LIPC: variants seen among roughly 807,000 people sequenced by gnomAD.
LIPC encodes the protein lipase C, hepatic type, also known as hepatic triacylglycerol lipase.
Under a neutral mutation model 50.7 loss-of-function variants are expected in LIPC, and 44 were observed. That is an observed-to-expected ratio of 0.87 (90% CI 0.68 to 1.11). The LOEUF (loss-of-function observed/expected upper bound fraction) is 1.11, where lower values mean the gene tolerates loss of function less well. Among genes scored for constraint, LIPC ranks in the 50% most tolerant of loss-of-function variants. The probability of loss-of-function intolerance (pLI) is 0.00; values close to 1 mark genes in which losing one functional copy is unlikely to be tolerated. For synonymous variants in LIPC, 271 were observed against 256.4 expected (o/e 1.06, Z -0.54); for missense variants, 697 against 648.2 (o/e 1.08, Z -0.82).
chr15:58,537,720 AG>A (rs1262285372), intron 1 of LIPC, among the ~76,000 whole-genome samples: 1 of 152,130 alleles, frequency 6.6e-6, no homozygotes, highest in Non-Finnish European at 1.5e-5. Flanking sequence ...TTCCCTGAAA[AG>A]CCCTCCCTGA....
chr15:58,439,282 C>T (rs766468532), intron 1 of LIPC, among the ~76,000 whole-genome samples: 19 of 152,092 alleles, frequency 1.2e-4, no homozygotes, highest in Non-Finnish European at 2.4e-4. Flanking sequence ...TGTCTCTTCC[C>T]CTCTTTATGT....
chr15:58,542,609 G>T lies in LIPC; in HGVS notation c.532G>T (p.Gly178Cys). The T allele has an allele frequency of 1.2e-6, 2 of 1,613,714 alleles. No individual in the cohort carries two copies. Among genetic ancestry groups the T allele is most frequent in the East Asian group, 2.2e-5 (1 of 44,866 alleles). Reference sequence around the variant, plus strand: ...GGGTGCACACGTGTCAGGATTTGCCGGCAGTTCCATCGGTGGAACGCACAA... The same window carrying T: ...GGGTGCACACGTGTCAGGATTTGCCTGCAGTTCCATCGGTGGAACGCACAA... ...SLGAHVSGFA[G>C]SSIGGTHKIG... The change falls in exon 4 of 9, where the codon GGC (glycine) becomes TGC (cysteine). Residue 178 changes from glycine to cysteine, a missense_variant. By Grantham distance (159) the Gly-to-Cys change is radical. Coordinates refer to ENST00000299022, the MANE Select transcript of LIPC (RefSeq NM_000236.3).
chr15:58,447,397 C>T (rs1893735807), intron 1 of LIPC, among the ~76,000 whole-genome samples: 2 of 152,236 alleles, frequency 1.3e-5, no homozygotes, highest in South Asian at 4.2e-4. Flanking sequence ...GACCACAAGT[C>T]TTCTCTGGAA....
At chr15:58,448,766 A>C (rs1893793111) in intron 1 of LIPC, among the ~76,000 whole-genome samples, 1 of 152,258 alleles carries the variant, frequency 6.6e-6, no homozygotes, top group African/African-American at 2.4e-5. Context: ...CTGGCCCAAC[A>C]TCACACAGCT....
intron 1 of LIPC, among the ~76,000 whole-genome samples, chr15:58,497,270 A>C (rs1489224329): frequency 6.6e-6 from 1 of 152,200 alleles, no homozygotes; most frequent in African/African-American, 2.4e-5. Context: ...GCAAGCTGGC[A>C]GGTGATGCAC....
At chr15:58,459,692 G>C (rs1170012238) in intron 1 of LIPC, among the ~76,000 whole-genome samples, 1 of 152,198 alleles carries the variant, frequency 6.6e-6, no homozygotes, top group African/African-American at 2.4e-5. Flanking sequence ...AATCAGCCTC[G>C]TGCTCTGCAC....
At chr15:58,540,879 C>A (rs1165686014) in intron 2 of LIPC, among the ~76,000 whole-genome samples, 1 of 152,142 alleles carries the variant, frequency 6.6e-6, no homozygotes, top group African/African-American at 2.4e-5. Flanking sequence ...CAGCTCACTG[C>A]AGACTCGACC....
chr15:58,559,594 CT>C (rs1338391503), intron 6 of LIPC, among the ~76,000 whole-genome samples: 1 of 151,468 alleles, frequency 6.6e-6, no homozygotes, highest in African/African-American at 2.4e-5. Flanking sequence ...AGCTAGAACA[CT>C]GTAGATGCTT....
At chr15:58,445,298 G>A (rs1215462858) in intron 1 of LIPC, among the ~76,000 whole-genome samples, 2 of 152,240 alleles carry the variant, frequency 1.3e-5, no homozygotes, top group Non-Finnish European at 2.9e-5. Flanking sequence ...GCATGGGTGT[G>A]CTCAGTGTGG....
At chr15:58,482,910 C>T (rs1185558882) in intron 1 of LIPC, among the ~76,000 whole-genome samples, 1 of 152,092 alleles carries the variant, frequency 6.6e-6, no homozygotes, top group Non-Finnish European at 1.5e-5. Flanking sequence ...GCTTCTCATC[C>T]CAAGCCTTGC....
chr15:58,537,666 A>G (rs764696674), intron 1 of LIPC, among the ~76,000 whole-genome samples: 4 of 151,976 alleles, frequency 2.6e-5, no homozygotes, highest in African/African-American at 4.8e-5. Context: ...AACAAAACAC[A>G]CACACACACT....
intron 1 of LIPC, among the ~76,000 whole-genome samples, chr15:58,489,380 AAG>A (rs1363436916): frequency 1.3e-5 from 2 of 152,234 alleles, no homozygotes; most frequent in East Asian, 3.9e-4. Flanking sequence ...AGCTACGCAG[AAG>A]ACAGTTATTA....
At chr15:58,493,348 A>T (rs1258342672) in intron 1 of LIPC, among the ~76,000 whole-genome samples, 2 of 152,142 alleles carry the variant, frequency 1.3e-5, no homozygotes, top group Non-Finnish European at 2.9e-5. Flanking sequence ...ATTATGTCAC[A>T]AAACTGGGGC....
chr15:58,453,221 C>T (rs548884038), intron 1 of LIPC, among the ~76,000 whole-genome samples: 1 of 152,252 alleles, frequency 6.6e-6, no homozygotes, highest in South Asian at 2.1e-4. Context: ...CCCACGTTGC[C>T]ACACAGTCCC....
intron 1 of LIPC, among the ~76,000 whole-genome samples, chr15:58,460,969 G>T (rs2140707273): frequency 6.6e-6 from 1 of 152,316 alleles, no homozygotes; most frequent in African/African-American, 2.4e-5. Context: ...TGGCATGTAA[G>T]AGGGGTTTGT....
At chr15:58,463,341 A>G (rs1354078287) in intron 1 of LIPC, among the ~76,000 whole-genome samples, 2 of 152,190 alleles carry the variant, frequency 1.3e-5, no homozygotes, top group Non-Finnish European at 2.9e-5. Flanking sequence ...GCCTCGGGAA[A>G]AGGGCTTGAT....
At position 58,545,727 on chromosome 15, in the gene LIPC, C is replaced by G; in HGVS notation, c.575-15C>G. 6.2e-7 allele frequency: 1 copy of G among 1,612,262 alleles called. No homozygotes were observed. The highest frequency in any genetic ancestry group is 8.5e-7 in the Non-Finnish European group (1 of 1,178,360). On this transcript the variant is annotated splice_polypyrimidine_tract_variant and intron_variant, in intron 4 of 8. Transcript: ENST00000299022. Reference sequence around the variant, plus strand: ...CCTTGCTCCTGCGTAACCCTTACCCCTGCTTTCCCATTAGGGCTGGATGCC... The same window carrying G: ...CCTTGCTCCTGCGTAACCCTTACCCGTGCTTTCCCATTAGGGCTGGATGCC...
intron 8 of LIPC, chr15:58,566,239 G>A (rs1894361746): frequency 1.0e-6 from 1 of 985,316 alleles, no homozygotes; most frequent in Admixed American, 6.2e-5. Flanking sequence ...CCGTACACTT[G>A]GGGCTGTGCT....
In LIPC at chr15:58,569,348, AC is replaced by A. The variant is rs1218813817; in HGVS notation, c.*522del. 2.0e-5 allele frequency: 3 copies of A among 152,220 alleles called. No homozygotes were observed. The highest frequency in any genetic ancestry group is 4.4e-5 in the Non-Finnish European group (3 of 68,050). 9.4% of individuals were successfully genotyped at this position (152,220 alleles called of 1,614,324 possible). A position where few individuals can be genotyped will look rare whatever the true frequency, so the allele number is the denominator to read the frequency against. On this transcript the variant is annotated 3_prime_UTR_variant, in exon 9 of 9. Coordinates refer to ENST00000299022, the MANE Select transcript of LIPC (RefSeq NM_000236.3). ...TTCTAATATTTATACAAATCATATA[AC>A]GATTTCACAGAACCAAACACTTACA...
Sources: allele counts gnomAD v4.1 joint callset (sites outside exome capture counted in the v4.1 genomes callset), GRCh38; gene constraint gnomAD v4.1.1; transcripts MANE v1.5; gene names NCBI Gene and HGNC (gene_info 2026-07-23, HGNC 2026-07-21).